The following LYN variants were observed in gnomAD, a reference collection of about 807,000 sequenced individuals.
LYN encodes tyrosine-protein kinase Lyn.
A neutral mutation model predicts 65.0 loss-of-function variants in LYN; 12 were observed. The observed-to-expected ratio is 0.18, with a 90% CI of 0.12 to 0.30. LYN has a LOEUF of 0.30. Among genes scored for constraint, LYN ranks in the 10% least tolerant of loss-of-function variants. The pLI is 1.00. For synonymous variants in LYN, 222 were observed against 221.2 expected (o/e 1.00, Z -0.03); for missense variants, 380 against 623.2 (o/e 0.61, Z 4.16).
chr8:55,905,853 C>T (rs1261609438), intron 1 of LYN, among the ~76,000 whole-genome samples: 3 of 152,300 alleles, frequency 2.0e-5, no homozygotes, highest in East Asian at 3.9e-4. Flanking sequence ...GTCTCCCATG[C>T]AAAGAGCCCG....
intron 1 of LYN, among the ~76,000 whole-genome samples, chr8:55,929,754 A>G (rs1177331835): frequency 6.6e-6 from 1 of 152,256 alleles, no homozygotes; most frequent in Admixed American, 6.5e-5. Flanking sequence ...GTCCTCTAGA[A>G]CAAATAATTT....
At chr8:55,986,375 G>A (rs1194579714) in intron 10 of LYN, among the ~76,000 whole-genome samples, 1 of 152,092 alleles carries the variant, frequency 6.6e-6, no homozygotes, top group East Asian at 1.9e-4. Flanking sequence ...CTATCTTCGG[G>A]GTAGTACAGT....
intron 1 of LYN, among the ~76,000 whole-genome samples, chr8:55,912,234 A>G (rs1805657284): frequency 6.6e-6 from 1 of 152,238 alleles, no homozygotes; most frequent in Non-Finnish European, 1.5e-5. Flanking sequence ...CCCCTTTTGC[A>G]ATGTATCATT....
At chr8:55,964,625 G>A (rs764135091) in intron 8 of LYN, among the ~76,000 whole-genome samples, 58 of 152,320 alleles carry the variant, frequency 3.8e-4, no homozygotes, top group Non-Finnish European at 6.5e-4. Context: ...CCAGCACTTT[G>A]GAAGACCAAG....
chr8:55,974,989 C>A (rs577404028), intron 10 of LYN, among the ~76,000 whole-genome samples: 1 of 152,146 alleles, frequency 6.6e-6, no homozygotes, highest in Non-Finnish European at 1.5e-5. Context: ...AATTCTCATA[C>A]ATGACTCTTA....
At chr8:55,987,740 G>C (rs1808120624) in intron 10 of LYN, among the ~76,000 whole-genome samples, 2 of 152,256 alleles carry the variant, frequency 1.3e-5, no homozygotes, top group South Asian at 4.1e-4. Context: ...TTAAAGGAAG[G>C]AGCCAATGTG....
In LYN at chr8:56,011,190, G is replaced by C. The variant is rs969330950; in HGVS notation, c.*1080G>C. The C allele has an allele frequency of 4.4e-6, 1 of 227,744 alleles. No individual in the cohort carries two copies. The highest frequency in any genetic ancestry group is 8.7e-6 in the Non-Finnish European group (1 of 114,764). The allele number at this position is 227,744 out of a possible 1,614,324, so 14.1% of individuals were successfully genotyped here. A position where few individuals can be genotyped will look rare whatever the true frequency, so the allele number is the denominator to read the frequency against. ...ACTATTTATACCCAAGGATATGAAG[G>C]AACATAAGTGACTACAAGGCTCTAA... is the stretch of plus-strand genomic sequence containing the variant. On this transcript the variant is annotated 3_prime_UTR_variant, in exon 13 of 13. Coordinates refer to ENST00000519728, the MANE Select transcript of LYN (RefSeq NM_002350.4).
chr8:55,904,645 G>A (rs1805370742), intron 1 of LYN, among the ~76,000 whole-genome samples: 1 of 152,170 alleles, frequency 6.6e-6, no homozygotes, highest in Non-Finnish European at 1.5e-5. Context: ...AGCTACTCGG[G>A]AGGCTGAGGC....
At chr8:56,007,906 G>A (rs554677351) in intron 12 of LYN, among the ~76,000 whole-genome samples, 1 of 152,180 alleles carries the variant, frequency 6.6e-6, no homozygotes, top group Admixed American at 6.5e-5. Flanking sequence ...ACGACTTCAG[G>A]TCAGGAGTTT....
At chr8:55,931,431 TTATACA>T (rs1347525513) in intron 1 of LYN, among the ~76,000 whole-genome samples, 1 of 150,784 alleles carries the variant, frequency 6.6e-6, no homozygotes, top group Non-Finnish European at 1.5e-5. Flanking sequence ...AACTCTGATT[TTATACA>T]TATATAAAAT....
At chr8:56,006,122 G>C (rs1350221625) in intron 12 of LYN, among the ~76,000 whole-genome samples, 1 of 152,034 alleles carries the variant, frequency 6.6e-6, no homozygotes, top group African/African-American at 2.4e-5. Context: ...GTCCTGGTTG[G>C]GGTCTTGTTT....
At chr8:55,976,836 C>T (rs1485103811) in intron 10 of LYN, among the ~76,000 whole-genome samples, 1 of 151,922 alleles carries the variant, frequency 6.6e-6, no homozygotes, top group East Asian at 1.9e-4. Flanking sequence ...CACGGGGATG[C>T]AAGTGGGGGT....
chr8:55,890,788 C>T (rs1444919409), intron 1 of LYN, among the ~76,000 whole-genome samples: 1 of 150,462 alleles, frequency 6.6e-6, no homozygotes, highest in African/African-American at 2.5e-5. Flanking sequence ...AGTGTGGTGG[C>T]ACCATTACAG....
At chr8:55,982,649 C>T (rs986816310) in intron 10 of LYN, among the ~76,000 whole-genome samples, 5 of 152,190 alleles carry the variant, frequency 3.3e-5, no homozygotes, top group African/African-American at 1.2e-4. Context: ...TCAGCTCCGG[C>T]TGGCTTGCTG....
At chr8:56,003,842 G>A (rs1808598904) in intron 12 of LYN, among the ~76,000 whole-genome samples, 1 of 151,224 alleles carries the variant, frequency 6.6e-6, no homozygotes, top group Non-Finnish European at 1.5e-5. Flanking sequence ...TGGGTCAAGA[G>A]ATAATAGGTT....
chr8:55,920,655 C>T (rs1256899151), intron 1 of LYN, among the ~76,000 whole-genome samples: 2 of 152,042 alleles, frequency 1.3e-5, no homozygotes. Context: ...ATTCCAAAGT[C>T]CTTTGCTGCT....
At chr8:55,964,096 A>G (rs1807372174) in intron 8 of LYN, among the ~76,000 whole-genome samples, 1 of 152,248 alleles carries the variant, frequency 6.6e-6, no homozygotes, top group Non-Finnish European at 1.5e-5. Context: ...TAATATATTC[A>G]TAATTCCATT....
rs1808779096 is a variant in LYN, at chr8:56,010,289, C to A, written c.*179C>A. 1 of 604,166 alleles carries A rather than the reference C, an allele frequency of 1.7e-6. No individual in the cohort carries two copies. Among genetic ancestry groups the A allele is most frequent in the African/African-American group, 1.9e-5 (1 of 53,918 alleles). 37.4% of individuals were successfully genotyped at this position (604,166 alleles called of 1,614,324 possible). A position where few individuals can be genotyped will look rare whatever the true frequency, so the allele number is the denominator to read the frequency against. On this transcript the variant is annotated 3_prime_UTR_variant, in exon 13 of 13. Transcript: ENST00000519728. Reference sequence around the variant, plus strand: ...TCTAAATGGGAAAGTATTCTGTACTCTTAGATGGATTCTCCACTCAGTTGC... The same window carrying A: ...TCTAAATGGGAAAGTATTCTGTACTATTAGATGGATTCTCCACTCAGTTGC...
chr8:55,981,651 C>T (rs1473328647), intron 10 of LYN, among the ~76,000 whole-genome samples: 6 of 152,162 alleles, frequency 3.9e-5, no homozygotes, highest in African/African-American at 7.2e-5. Context: ...CCACCGTGCC[C>T]GGCCAGAACA....
Sources: allele counts gnomAD v4.1 joint callset (sites outside exome capture counted in the v4.1 genomes callset), GRCh38; gene constraint gnomAD v4.1.1; transcripts MANE v1.5; gene names NCBI Gene and HGNC (gene_info 2026-07-23, HGNC 2026-07-21).